POLR2C: variants seen among roughly 807,000 people sequenced by gnomAD.
The protein encoded by POLR2C is DNA-directed RNA polymerase II subunit RPB3.
In POLR2C, 36 loss-of-function variants were observed where a neutral mutation model predicts 41.7. That is an observed-to-expected ratio of 0.86 (90% CI 0.66 to 1.14). The LOEUF is 1.14. Among genes scored for constraint, POLR2C ranks in the 50% most tolerant of loss-of-function variants. The pLI, the probability that POLR2C is intolerant of heterozygous loss-of-function variation, is 0.00. For missense variants in POLR2C, 260 were observed against 350.4 expected (o/e 0.74, Z 2.06); for synonymous variants, 133 against 137.8 (o/e 0.96, Z 0.25).
At chr16:57,467,695 C>A (rs1238470980) in intron 4 of POLR2C, among the ~76,000 whole-genome samples, 1 of 152,204 alleles carries the variant, frequency 6.6e-6, no homozygotes, top group Non-Finnish European at 1.5e-5. Flanking sequence ...CCTAACACTT[C>A]CAAGTACTTC....
intron 2 of POLR2C, 90 bp from the exon 3 acceptor site, chr16:57,465,863 C>G (rs1411923794): frequency 1.2e-6 from 1 of 834,872 alleles, no homozygotes; most frequent in Non-Finnish European, 2.1e-6. Flanking sequence ...AGTTTAGTGT[C>G]AGGTGATTCC....
In POLR2C at chr16:57,470,547, C is replaced by G. The variant is rs144117917; in HGVS notation, c.683+193C>G. ...GTCGTCAGCCCCTTTTGGTCACTGACAAAGAGGACCCTCCATTTATCCAGG... is the reference window on the plus strand; with the variant it reads ...GTCGTCAGCCCCTTTTGGTCACTGAGAAAGAGGACCCTCCATTTATCCAGG... On this transcript the variant is annotated intron_variant, in intron 8 of 8. Transcript: ENST00000219252. 1.3e-4 allele frequency: 74 copies of G among 575,348 alleles called. No homozygotes were observed. The East Asian group carries it at 2.1e-3, about 16-fold the overall frequency. 35.6% of individuals were successfully genotyped at this position (575,348 alleles called of 1,614,324 possible). A position where few individuals can be genotyped will look rare whatever the true frequency, so the allele number is the denominator to read the frequency against.
rs1329168332 is a variant in POLR2C at position 57,465,835 on chromosome 16, A to G, written c.137-118A>G. 5.4e-6 allele frequency: 4 copies of G among 736,186 alleles called. No homozygotes were observed. The East Asian group carries it at 7.4e-5, about 14-fold the overall frequency. The allele number at this position is 736,186 out of a possible 1,614,324, so 45.6% of individuals were successfully genotyped here. ...CTGGGCCCCACTCTAATGCTGTGGA[A>G]TCAGCCCAGCAATCTGCAGTTTAGT... On this transcript the variant is annotated intron_variant, in intron 2 of 8. Transcript: ENST00000219252.
intron 2 of POLR2C, 30 bp downstream of exon 2, chr16:57,463,108 C>T (rs756311053): frequency 1.2e-5 from 19 of 1,560,714 alleles, no homozygotes; most frequent in South Asian, 3.3e-5. Context: ...CGTTCCCGCG[C>T]CCACGGGTTC....
chr16:57,469,046 CT>C lies in POLR2C; in HGVS notation c.259-114del. Reference sequence around the variant, plus strand: ...CAAGAACCTGGATACTGATGAACCCCTTTTTACAGGTGAAGAAACTTAAGGA... The same window carrying C: ...CAAGAACCTGGATACTGATGAACCCCTTTTACAGGTGAAGAAACTTAAGGA... On this transcript the variant is annotated intron_variant, in intron 4 of 8. Transcript: ENST00000219252. The surrounding 1 kb of genome is among the most constrained non-coding windows in gnomAD (Gnocchi z 5.8). 1 of 1,007,166 alleles carries C rather than the reference CT, an allele frequency of 9.9e-7. No individual in the cohort carries two copies. The allele number at this position is 1,007,166 out of a possible 1,614,324, so 62.4% of individuals were successfully genotyped here.
intron 2 of POLR2C, among the ~76,000 whole-genome samples, chr16:57,464,485 T>C (rs1241328235): frequency 6.6e-6 from 1 of 152,192 alleles, no homozygotes; most frequent in Non-Finnish European, 1.5e-5. Flanking sequence ...CTTAATGCAT[T>C]GATTATACTT....
chr16:57,463,175 C>T (rs1044623063), intron 2 of POLR2C, 97 bp downstream of exon 2: 14 of 1,019,330 alleles, frequency 1.4e-5, no homozygotes, highest in Middle Eastern at 4.0e-4. Flanking sequence ...TTGGTTCGGG[C>T]TGAGGGTGGT....
At chr16:57,466,393 T>C (rs1253374810) in intron 4 of POLR2C, among the ~76,000 whole-genome samples, 166 bp downstream of exon 4, 2 of 152,224 alleles carry the variant, frequency 1.3e-5, no homozygotes, top group Non-Finnish European at 2.9e-5. Flanking sequence ...TGCGTTCTGA[T>C]GGGGCTTCAG....
At chr16:57,468,895 A>G (rs1458725297) in intron 4 of POLR2C, among the ~76,000 whole-genome samples, 1 of 152,178 alleles carries the variant, frequency 6.6e-6, no homozygotes, top group Non-Finnish European at 1.5e-5. Context: ...GATGTTAGCA[A>G]TATGTCCCCA....
chr16:57,471,816 A>G lies in POLR2C; in HGVS notation c.*697A>G, dbSNP rs1320220753. 1 of 152,004 alleles carries G rather than the reference A, an allele frequency of 6.6e-6. No homozygotes were observed. Among genetic ancestry groups the G allele is most frequent in the Non-Finnish European group, 1.5e-5 (1 of 68,022 alleles). 9.4% of individuals were successfully genotyped at this position (152,004 alleles called of 1,614,324 possible). On this transcript the variant is annotated 3_prime_UTR_variant, in exon 9 of 9. Transcript: ENST00000219252. ...CCCACATACACAGGAGGAGTATTTC[A>G]TTTCTCCTTAATGAAGGCTCTGGCC...
intron 2 of POLR2C, chr16:57,463,527 C>A: frequency 2.6e-6 from 1 of 387,114 alleles, no homozygotes; most frequent in South Asian, 1.9e-5. Context: ...TTTTTCACCC[C>A]TAGCCCCACT....
intron 4 of POLR2C, among the ~76,000 whole-genome samples, chr16:57,467,978 C>G (rs2030748711): frequency 6.6e-6 from 1 of 152,072 alleles, no homozygotes; most frequent in Admixed American, 6.6e-5. Context: ...TTTTTATCTT[C>G]CATTACATTT....
chr16:57,470,095 C>T lies in POLR2C; in HGVS notation c.574C>T (p.Leu192=), dbSNP rs1184863579. 4.3e-6 allele frequency: 7 copies of T among 1,614,022 alleles called. No individual in the cohort carries two copies. Among genetic ancestry groups the T allele is most frequent in the Non-Finnish European group, 5.9e-6 (7 of 1,180,016 alleles). ...TTTTGAATACGATCCAGACAATGCC[C>T]TGAGGCACACAGTGTACCCCAAGCC... The part of the protein sequence containing the change: ...VAFEYDPDNA[L]RHTVYPKPEE... Residue 192 remains leucine, a synonymous_variant, in exon 7 of 9, where the codon CTG becomes TTG. Transcript: ENST00000219252.
At chr16:57,465,872 C>A (rs977960902) in intron 2 of POLR2C, 81 bp from the exon 3 acceptor site, 6 of 894,086 alleles carry the variant, frequency 6.7e-6, no homozygotes, top group African/African-American at 1.6e-5. Context: ...TCAGGTGATT[C>A]CTAAATCTTG....
At chr16:57,464,938 A>T (rs2030666911) in intron 2 of POLR2C, among the ~76,000 whole-genome samples, 1 of 152,190 alleles carries the variant, frequency 6.6e-6, no homozygotes, top group Admixed American at 6.5e-5. Flanking sequence ...TAACATACAC[A>T]AATATGACAC....
In POLR2C at chr16:57,470,547, C is replaced by T. The variant is rs144117917; in HGVS notation, c.683+193C>T. On this transcript the variant is annotated intron_variant, in intron 8 of 8. Coordinates refer to ENST00000219252, the MANE Select transcript of POLR2C (RefSeq NM_032940.3). ...GTCGTCAGCCCCTTTTGGTCACTGA[C>T]AAAGAGGACCCTCCATTTATCCAGG... 1.8e-3 allele frequency: 1,060 copies of T among 575,350 alleles called. 6 individuals are homozygous for T. Among genetic ancestry groups the T allele is most frequent in the African/African-American group, 0.017 (923 of 53,508 alleles). The allele number at this position is 575,350 out of a possible 1,614,324, so 35.6% of individuals were successfully genotyped here.
In POLR2C at chr16:57,471,954, G is replaced by A. The variant is rs1279812856; in HGVS notation, c.*835G>A. The stretch of plus-strand genomic sequence containing the variant: ...AGGAAAGGATATTTATTGATTAACA[G>A]AAGTTGTCTTTTTAAAAGTGTTTAT... On this transcript the variant is annotated 3_prime_UTR_variant, in exon 9 of 9. Coordinates refer to ENST00000219252, the MANE Select transcript of POLR2C (RefSeq NM_032940.3). The A allele has an allele frequency of 2.0e-5, 3 of 152,840 alleles. No homozygotes were observed. The highest frequency in any genetic ancestry group is 1.5e-5 in the Non-Finnish European group (1 of 68,028). The allele number at this position is 152,840 out of a possible 1,614,324, so 9.5% of individuals were successfully genotyped here. A position where few individuals can be genotyped will look rare whatever the true frequency, so the allele number is the denominator to read the frequency against.
intron 2 of POLR2C, chr16:57,463,322 C>T (rs1336670132): frequency 1.0e-5 from 6 of 597,930 alleles, no homozygotes; most frequent in Non-Finnish European, 1.8e-5. Context: ...ATGGGTTTAG[C>T]AGTGTGCAGA....
chr16:57,467,511 G>T (rs1598043903), intron 4 of POLR2C, among the ~76,000 whole-genome samples: 2 of 152,024 alleles, frequency 1.3e-5, no homozygotes, highest in African/African-American at 4.8e-5. Context: ...CACAAAGATG[G>T]CATGGTCTGT....
Sources: gnomAD v4.1 joint callset for allele counts (sites outside exome capture counted in the v4.1 genomes callset) on GRCh38, gnomAD v4.1.1 for gene constraint, Gnocchi (gnomAD v3.1) non-coding constraint, MANE v1.5 for transcripts, NCBI Gene and HGNC (gene_info 2026-07-23, HGNC 2026-07-21) for gene names.